The following MICU2 variants were observed in gnomAD, a reference collection of about 807,000 sequenced individuals.
MICU2 encodes mitochondrial calcium uptake 2.
In MICU2, 64 loss-of-function variants were observed where a neutral mutation model predicts 60.4. The observed-to-expected ratio is 1.06, with a 90% CI of 0.87 to 1.31. MICU2 has a LOEUF of 1.31. Among genes scored for constraint, MICU2 ranks in the 50% most tolerant of loss-of-function variants. The pLI, the probability that MICU2 is intolerant of heterozygous loss-of-function variation, is 0.00. For synonymous variants in MICU2, 201 were observed against 175.0 expected (o/e 1.15, Z -1.17); for missense variants, 569 against 531.0 (o/e 1.07, Z -0.70).
intron 1 of MICU2, among the ~76,000 whole-genome samples, chr13:21,582,113 A>G (rs966099807): frequency 3.9e-5 from 6 of 152,228 alleles, no homozygotes; most frequent in African/African-American, 1.4e-4. Context: ...AGAAACAACT[A>G]AAGAGAAATA....
At chr13:21,510,730 C>T (rs987997372) in intron 7 of MICU2, among the ~76,000 whole-genome samples, 2 of 152,102 alleles carry the variant, frequency 1.3e-5, no homozygotes, top group African/African-American at 4.8e-5. Context: ...GGTGTGGGAT[C>T]GTCTAGCATG....
intron 7 of MICU2, among the ~76,000 whole-genome samples, chr13:21,512,418 G>A (rs904099094): frequency 3.3e-5 from 5 of 150,986 alleles, no homozygotes; most frequent in African/African-American, 1.2e-4. Context: ...ACTCTTGACA[G>A]TGTCCTCTGA....
Position 21,604,070 on chromosome 13 carries a change from G to C in MICU2, c.79C>G (p.Gln27Glu), listed in dbSNP as rs1394229203. The C allele has an allele frequency of 8.7e-6, 14 of 1,601,900 alleles. No individual in the cohort carries two copies. The highest frequency in any genetic ancestry group is 1.1e-5 in the Non-Finnish European group (13 of 1,175,678). The change falls in exon 1 of 12, where the codon CAG becomes GAG. Residue 27 changes from glutamine to glutamate, a missense_variant. Gln to Glu is a conservative substitution (Grantham distance 29). Transcript: ENST00000382374. Reference protein sequence around the residue: ...KLRRGLAVSRQAVRSPGPLAA... With the variant: ...KLRRGLAVSREAVRSPGPLAA... ...AAGGGGCCGGGACTCCGCACAGCCT[G>C]TCGGCTGACAGCGAGCCCCCGTCGC...
At position 21,585,997 on chromosome 13, in the gene MICU2, C is replaced by G. The variant is rs147917374; in HGVS notation, c.210+17942G>C. On this transcript the variant is annotated intron_variant, in intron 1 of 11. Transcript: ENST00000382374. ...TCAAATACCAAGGTTTATGAAAAAA[C>G]ATTTTTTAGATAATACTTTACAGCA... 8.4e-3 allele frequency among the ~76,000 whole-genome samples: 1,280 copies of G among 152,188 alleles called. 3 individuals carry two copies. Among genetic ancestry groups the G allele is most frequent in the Non-Finnish European group, 0.013 (885 of 68,010 alleles).
chr13:21,495,073 A>G (rs1566136254), intron 11 of MICU2, 88 bp downstream of exon 11: 1 of 940,980 alleles, frequency 1.1e-6, no homozygotes, highest in Non-Finnish European at 1.5e-6. Context: ...TGAAAACTCC[A>G]TTTAAAGACT....
chr13:21,551,078 T>C (rs917365254), intron 2 of MICU2, among the ~76,000 whole-genome samples: 2 of 152,240 alleles, frequency 1.3e-5, no homozygotes, highest in African/African-American at 4.8e-5. Context: ...TGTCCTAACA[T>C]GCCACCTGGC....
At chr13:21,559,588 G>A (rs978048435) in intron 2 of MICU2, among the ~76,000 whole-genome samples, 2 of 150,964 alleles carry the variant, frequency 1.3e-5, no homozygotes, top group Non-Finnish European at 2.9e-5. Context: ...GCAGTGGTGC[G>A]ATCTGGGCTC....
chr13:21,573,281 T>G (rs200156655), intron 1 of MICU2, among the ~76,000 whole-genome samples: 3 of 43,316 alleles, frequency 6.9e-5, no homozygotes, highest in Non-Finnish European at 1.5e-4. Context: ...CATTTTTTTG[T>G]TTTTTTTTTT....
chr13:21,495,152 A>G lies in MICU2; in HGVS notation c.1200+9T>C. On this transcript the variant is annotated intron_variant, in intron 11 of 11. Transcript: ENST00000382374. ...TGTAAACATGTATTATATAAAAAAA[A>G]TCTGTTACCCATAAACCTCGATGCA... 1 of 1,587,778 alleles carries G rather than the reference A, an allele frequency of 6.3e-7. No homozygotes were observed. Among genetic ancestry groups the G allele is most frequent in the Non-Finnish European group, 8.5e-7 (1 of 1,170,338 alleles).
rs1312554847 is a variant in MICU2 at position 21,538,888 on chromosome 13, A to G, written c.466+414T>C. On this transcript the variant is annotated intron_variant, in intron 4 of 11. Coordinates refer to ENST00000382374, the MANE Select transcript of MICU2 (RefSeq NM_152726.3). The stretch of plus-strand genomic sequence containing the variant: ...GAGGATACTTCTCAGTCCTTAGCTC[A>G]CTCAACTCCCTACATTTACTTGGTT... Among the ~76,000 whole-genome samples, 3 of 152,048 alleles carry G rather than the reference A, an allele frequency of 2.0e-5. No homozygotes were observed. The East Asian group carries it at 5.8e-4, about 29-fold the overall frequency.
chr13:21,560,722 G>A (rs555299815), intron 2 of MICU2, among the ~76,000 whole-genome samples: 1 of 152,182 alleles, frequency 6.6e-6, no homozygotes, highest in South Asian at 2.1e-4. Context: ...ATAGATTAGG[G>A]GTTACAAACT....
intron 1 of MICU2, among the ~76,000 whole-genome samples, chr13:21,579,660 C>T (rs1888304904): frequency 6.6e-6 from 1 of 152,148 alleles, no homozygotes; most frequent in Non-Finnish European, 1.5e-5. Flanking sequence ...TGCTTTATAT[C>T]AGTTATGAAC....
At chr13:21,593,618 C>A (rs1413683888) in intron 1 of MICU2, among the ~76,000 whole-genome samples, 7 of 121,506 alleles carry the variant, frequency 5.8e-5, no homozygotes, top group Non-Finnish European at 1.1e-4. Context: ...ATCATGCTAA[C>A]TGACTTCAAA....
chr13:21,577,650 A>G (rs1386987145), intron 1 of MICU2, among the ~76,000 whole-genome samples: 1 of 151,600 alleles, frequency 6.6e-6, no homozygotes, highest in Non-Finnish European at 1.5e-5. Context: ...CAAAAATACA[A>G]AAAAATTAGC....
At chr13:21,518,570 C>A (rs554843783) in intron 6 of MICU2, among the ~76,000 whole-genome samples, 18 of 152,210 alleles carry the variant, frequency 1.2e-4, no homozygotes, top group African/African-American at 4.1e-4. Flanking sequence ...TTGTAACTCC[C>A]AAGAATAAAA....
chr13:21,599,197 C>T (rs142681040), intron 1 of MICU2, among the ~76,000 whole-genome samples: 10 of 152,322 alleles, frequency 6.6e-5, no homozygotes, highest in Non-Finnish European at 1.5e-4. Flanking sequence ...ACTGCCTTAA[C>T]ACTTTTATTA....
intron 2 of MICU2, among the ~76,000 whole-genome samples, chr13:21,539,930 T>C (rs1225910125): frequency 6.6e-6 from 1 of 152,242 alleles, no homozygotes; most frequent in Non-Finnish European, 1.5e-5. Context: ...CCCTATTTCA[T>C]ACATATGAAA....
intron 4 of MICU2, among the ~76,000 whole-genome samples, chr13:21,526,873 G>A (rs1254580736): frequency 1.3e-5 from 2 of 152,034 alleles, no homozygotes; most frequent in East Asian, 1.9e-4. Flanking sequence ...GGGTGATGAC[G>A]GTGGGAATGT....
chr13:21,516,891 C>T (rs1566144400), intron 6 of MICU2, among the ~76,000 whole-genome samples: 1 of 152,184 alleles, frequency 6.6e-6, no homozygotes, highest in East Asian at 1.9e-4. Context: ...AAAAGGACCA[C>T]CTAAGGAGCA....
Sources: gnomAD v4.1 joint callset for allele counts (sites outside exome capture counted in the v4.1 genomes callset) on GRCh38, gnomAD v4.1.1 for gene constraint, MANE v1.5 for transcripts, NCBI Gene and HGNC (gene_info 2026-07-23, HGNC 2026-07-21) for gene names.